The following CSMD1 variants were observed in gnomAD, a reference collection of about 807,000 sequenced individuals.
CSMD1 encodes the protein CUB and sushi domain-containing protein 1.
CSMD1 carries 213 observed loss-of-function variants against 417.5 expected under a neutral mutation model. The ratio of observed to expected loss-of-function variants is 0.51; its 90% CI spans 0.46 to 0.57. CSMD1 has a LOEUF of 0.57. CSMD1 is among the 20% of genes least tolerant of loss of function. The pLI is 0.00. For missense variants in CSMD1, 6,923 were observed against 4,529.7 expected, an observed-to-expected ratio of 1.53 and a Z score of -15.17; for synonymous variants, 2,862 against 1,736.8, an observed-to-expected ratio of 1.65 and a Z score of -16.11.
chr8:3,687,557 A>G (rs138361233), intron 7 of CSMD1, among the ~76,000 whole-genome samples: 3 of 152,326 alleles, frequency 2.0e-5, no homozygotes, highest in African/African-American at 4.8e-5. Flanking sequence ...TGTAAATGCT[A>G]TATTTTTCTT....
chr8:4,341,686 G>A (rs1585267963), intron 3 of CSMD1, among the ~76,000 whole-genome samples: 1 of 152,132 alleles, frequency 6.6e-6, no homozygotes, highest in Non-Finnish European at 1.5e-5. Context: ...ACGCAGTCAA[G>A]ATAAATGGAA....
intron 3 of CSMD1, among the ~76,000 whole-genome samples, chr8:4,075,915 G>T (rs1175718464): frequency 6.6e-6 from 1 of 151,976 alleles, no homozygotes; most frequent in African/African-American, 2.4e-5. Context: ...CAATCCACTG[G>T]TACTTTATAT....
intron 3 of CSMD1, among the ~76,000 whole-genome samples, chr8:4,108,229 C>A (rs932263453): frequency 6.6e-6 from 1 of 152,106 alleles, no homozygotes; most frequent in African/African-American, 2.4e-5. Context: ...CCTTCGTAAA[C>A]ATTTAATATT....
At chr8:4,322,573 G>C (rs1799331352) in intron 3 of CSMD1, among the ~76,000 whole-genome samples, 1 of 152,156 alleles carries the variant, frequency 6.6e-6, no homozygotes, top group South Asian at 2.1e-4. Context: ...AGATTTTGAT[G>C]AAGGAAAATT....
At chr8:3,846,213 G>C (rs1803492634) in intron 5 of CSMD1, among the ~76,000 whole-genome samples, 1 of 152,126 alleles carries the variant, frequency 6.6e-6, no homozygotes, top group Non-Finnish European at 1.5e-5. Flanking sequence ...CTATACGTTT[G>C]TTGCCACCAG....
At chr8:3,144,215 A>C (rs927774233) in intron 40 of CSMD1, among the ~76,000 whole-genome samples, 1 of 152,156 alleles carries the variant, frequency 6.6e-6, no homozygotes, top group Non-Finnish European at 1.5e-5. Context: ...GTCACACGGG[A>C]AATGGCAGAG....
chr8:3,653,274 G>A (rs1261489426), intron 7 of CSMD1, among the ~76,000 whole-genome samples: 2 of 152,008 alleles, frequency 1.3e-5, no homozygotes, highest in Non-Finnish European at 2.9e-5. Context: ...AGGGATGGCT[G>A]GAAAAAAATT....
At chr8:3,643,474 A>G (rs890747297) in intron 7 of CSMD1, among the ~76,000 whole-genome samples, 4 of 151,974 alleles carry the variant, frequency 2.6e-5, no homozygotes, top group East Asian at 1.9e-4. Context: ...AGGCCGAGGT[A>G]GGCGGATCAC....
intron 3 of CSMD1, among the ~76,000 whole-genome samples, chr8:4,158,689 A>C (rs1796977341): frequency 6.6e-6 from 1 of 152,102 alleles, no homozygotes. Context: ...ATGGGCCAGC[A>C]GCTATTCCTA....
chr8:4,907,568 T>C (rs1159267083), intron 1 of CSMD1, among the ~76,000 whole-genome samples: 1 of 152,088 alleles, frequency 6.6e-6, no homozygotes. Flanking sequence ...TGTTGTTTTA[T>C]TGGTTTTTTG....
At chr8:4,774,003 C>A (rs1313949130) in intron 1 of CSMD1, among the ~76,000 whole-genome samples, 2 of 152,130 alleles carry the variant, frequency 1.3e-5, no homozygotes, top group Middle Eastern at 3.4e-3. Context: ...CAAGACCAGC[C>A]TGGCCAACAT....
At chr8:4,737,063 A>G (rs1810290366) in intron 1 of CSMD1, among the ~76,000 whole-genome samples, 1 of 152,228 alleles carries the variant, frequency 6.6e-6, no homozygotes, top group African/African-American at 2.4e-5. Flanking sequence ...GATTCACAAA[A>G]GAAAAGACAT....
chr8:4,245,412 C>G (rs1618453), intron 3 of CSMD1, among the ~76,000 whole-genome samples: 135,944 of 152,144 alleles, frequency 0.89, 62,761 homozygotes, highest in East Asian at 1. Flanking sequence ...TCTGATGATG[C>G]AAAGGGAGGA....
intron 54 of CSMD1, among the ~76,000 whole-genome samples, chr8:2,987,124 T>A (rs951989410): frequency 2.0e-5 from 3 of 152,102 alleles, no homozygotes; most frequent in Non-Finnish European, 4.4e-5. Flanking sequence ...TATTTTTCTA[T>A]CATATTTTAC....
intron 5 of CSMD1, among the ~76,000 whole-genome samples, chr8:3,885,793 T>G (rs549495786): frequency 4.5e-4 from 69 of 152,280 alleles, no homozygotes; most frequent in Non-Finnish European, 8.2e-4. Context: ...GAAAGCTGAC[T>G]TTCTTAAACA....
chr8:4,980,485 C>T (rs1036615341), intron 1 of CSMD1, among the ~76,000 whole-genome samples: 14 of 152,172 alleles, frequency 9.2e-5, no homozygotes, highest in Non-Finnish European at 2.9e-5. Flanking sequence ...CTGGGAGAAA[C>T]ACTGTAAAAT....
intron 1 of CSMD1, among the ~76,000 whole-genome samples, chr8:4,670,700 G>A (rs183116185): frequency 2.8e-4 from 42 of 152,236 alleles, no homozygotes; most frequent in African/African-American, 8.7e-4. Flanking sequence ...TAGGATTCAC[G>A]TCTCTTAAGG....
At chr8:4,914,739 G>C (rs1047974236) in intron 1 of CSMD1, among the ~76,000 whole-genome samples, 8 of 152,156 alleles carry the variant, frequency 5.3e-5, no homozygotes, top group African/African-American at 1.7e-4. Flanking sequence ...ACACTTAAGA[G>C]GCTAATGTGT....
intron 7 of CSMD1, among the ~76,000 whole-genome samples, chr8:3,648,988 C>T (rs569507972): frequency 2.0e-5 from 3 of 152,252 alleles, no homozygotes; most frequent in East Asian, 3.9e-4. Flanking sequence ...TTGAGATTCT[C>T]TTTGCGTCCA....
Sources: gnomAD v4.1 joint callset for allele counts (sites outside exome capture counted in the v4.1 genomes callset) on GRCh38, gnomAD v4.1.1 for gene constraint, MANE v1.5 for transcripts, NCBI Gene and HGNC (gene_info 2026-07-23, HGNC 2026-07-21) for gene names.